NAPA: variants seen among roughly 807,000 people sequenced by gnomAD.
The protein encoded by NAPA is NSF attachment protein alpha, also known as alpha-soluble NSF attachment protein.
Under a neutral mutation model 48.0 loss-of-function variants are expected in NAPA, and 18 were observed. The observed-to-expected ratio is 0.38, with a 90% CI of 0.26 to 0.56. The LOEUF is 0.56. Among genes scored for constraint, NAPA ranks in the 20% least tolerant of loss-of-function variants. The pLI is 0.77. For missense variants in NAPA, 315 were observed against 385.0 expected (o/e 0.82, Z 1.52); for synonymous variants, 152 against 149.9 (o/e 1.01, Z -0.10).
chr19:47,490,024 T>TG (rs945517382), intron 9 of NAPA, among the ~76,000 whole-genome samples: 26 of 150,664 alleles, frequency 1.7e-4, no homozygotes, highest in African/African-American at 4.9e-4. Context: ...TGTGTGGGTA[T>TG]GGGGGGTGTG....
chr19:47,486,263 G>A (rs1968074778), downstream of NAPA, among the ~76,000 whole-genome samples: 1 of 152,094 alleles, frequency 6.6e-6, no homozygotes, highest in Non-Finnish European at 1.5e-5. Context: ...ACTGAGGCAG[G>A]AGAATCGCTT....
At position 47,493,910 on chromosome 19, in the gene NAPA, G is replaced by A. The variant is rs760457590; in HGVS notation, c.343-417C>T. Reference sequence around the variant, plus strand: ...CAAAGGGCTCTGGAGAAACCAGGATGGGAGGGAGGGCTTGAGACCTCTGCC... The same window carrying A: ...CAAAGGGCTCTGGAGAAACCAGGATAGGAGGGAGGGCTTGAGACCTCTGCC... On this transcript the variant is annotated intron_variant, in intron 4 of 10. Coordinates refer to ENST00000263354, the MANE Select transcript of NAPA (RefSeq NM_003827.4). This position sits in a 1 kb window ranked among gnomAD's most constrained non-coding sequence, Gnocchi z 6.4. Among the ~76,000 whole-genome samples, 2 of 152,312 alleles carry A rather than the reference G, an allele frequency of 1.3e-5. No individual in the cohort carries two copies. Among genetic ancestry groups the A allele is most frequent in the South Asian group, 4.1e-4 (2 of 4,828 alleles).
rs1319957444 is a variant in NAPA at position 47,493,694 on chromosome 19, C to T, written c.343-201G>A. The T allele has an allele frequency of 1.2e-5, 7 of 588,710 alleles. No homozygotes were observed. The highest frequency in any genetic ancestry group is 1.8e-5 in the Non-Finnish European group (6 of 326,340). The allele number at this position is 588,710 out of a possible 1,614,324, so 36.5% of individuals were successfully genotyped here. On this transcript the variant is annotated intron_variant, in intron 4 of 10. Transcript: ENST00000263354. This position sits in a 1 kb window ranked among gnomAD's most constrained non-coding sequence, Gnocchi z 6.4. ...CCCCAGCACTAGAGGCCTGGCTATGCGTGCTGGGCTGAGCGGGTGATGTTG... is the reference window on the plus strand; with the variant it reads ...CCCCAGCACTAGAGGCCTGGCTATGTGTGCTGGGCTGAGCGGGTGATGTTG...
chr19:47,495,687 C>T lies in NAPA; in HGVS notation c.296-91G>A, dbSNP rs1197397343. 15 of 1,259,428 alleles carry T rather than the reference C, an allele frequency of 1.2e-5. No individual in the cohort carries two copies. In the South Asian group the frequency reaches 1.3e-4, roughly 11 times the overall value. 78.0% of individuals were successfully genotyped at this position (1,259,428 alleles called of 1,614,324 possible). ...AGGAGGCGGACGCAGGCGCACCTGG[C>T]TGCCAGCAGAGAGATCAATAGGCGC... On this transcript the variant is annotated intron_variant, in intron 3 of 10. Transcript: ENST00000263354.
chr19:47,506,657 C>T lies in NAPA; in HGVS notation c.99-3155G>A, dbSNP rs553123614. 1.3e-5 allele frequency among the ~76,000 whole-genome samples: 2 copies of T among 152,340 alleles called. No individual in the cohort carries two copies. Among genetic ancestry groups the T allele is most frequent in the East Asian group, 1.9e-4 (1 of 5,190 alleles). On this transcript the variant is annotated intron_variant, in intron 1 of 10. Coordinates refer to ENST00000263354, the MANE Select transcript of NAPA (RefSeq NM_003827.4). This position sits in a 1 kb window ranked among gnomAD's most constrained non-coding sequence, Gnocchi z 4.0. ...CAGCCCAGCCGGGTTTATTTCAGGA[C>T]GGACACAAAGCCTACCAGCTGCCCG...
At chr19:47,500,465 G>A (rs749155742) in intron 3 of NAPA, among the ~76,000 whole-genome samples, 168 bp downstream of exon 3, 1 of 152,220 alleles carries the variant, frequency 6.6e-6, no homozygotes, top group African/African-American at 2.4e-5. Flanking sequence ...GGAAGGAAGA[G>A]AGCCAGTTCT....
chr19:47,504,441 T>C (rs1183308525), intron 1 of NAPA, among the ~76,000 whole-genome samples: 1 of 136,522 alleles, frequency 7.3e-6, no homozygotes, highest in Non-Finnish European at 1.6e-5. Flanking sequence ...GTGAAAATAA[T>C]AGAAACATAC....
intron 3 of NAPA, among the ~76,000 whole-genome samples, chr19:47,498,656 C>T (rs950417328): frequency 6.6e-6 from 1 of 152,124 alleles, no homozygotes; most frequent in Non-Finnish European, 1.5e-5. Flanking sequence ...TGGGCTTGAG[C>T]GATCCTCCTG....
intron 9 of NAPA, among the ~76,000 whole-genome samples, chr19:47,490,417 GT>G (rs1968221298): frequency 2.8e-5 from 4 of 141,756 alleles, no homozygotes; most frequent in Non-Finnish European, 6.1e-5. Flanking sequence ...GTAGCGTGTG[GT>G]GTGATGTGTG....
intron 1 of NAPA, among the ~76,000 whole-genome samples, chr19:47,508,159 C>A (rs1968730161): frequency 6.6e-6 from 1 of 152,212 alleles, no homozygotes; most frequent in Non-Finnish European, 1.5e-5. Flanking sequence ...CAGCCCCCTA[C>A]CGAGCCTGCC....
intron 1 of NAPA, among the ~76,000 whole-genome samples, chr19:47,511,179 C>T (rs940410799): frequency 9.9e-5 from 15 of 152,192 alleles, no homozygotes; most frequent in African/African-American, 3.6e-4. Flanking sequence ...CGCAACGCTC[C>T]CTTCTCCAGT....
chr19:47,490,454 GGTGTGT>G (rs147323174), intron 9 of NAPA, among the ~76,000 whole-genome samples: 2 of 90,620 alleles, frequency 2.2e-5, no homozygotes, highest in Admixed American at 1.4e-4. Flanking sequence ...TGTGTGGTGT[GGTGTGT>G]GTAGTGTATG....
At chr19:47,503,349 C>CG in intron 2 of NAPA, 74 bp downstream of exon 2, 1 of 1,388,820 alleles carries the variant, frequency 7.2e-7, no homozygotes, top group South Asian at 1.2e-5. Context: ...GCCAACCTCT[C>CG]GGGCAGGCCT....
chr19:47,501,316 G>A lies in NAPA; in HGVS notation c.179-567C>T, dbSNP rs549558019. 2.0e-5 allele frequency: 3 copies of A among 152,354 alleles called. No individual in the cohort carries two copies. In the East Asian group the frequency reaches 5.8e-4, roughly 29 times the overall value. 9.4% of individuals were successfully genotyped at this position (152,354 alleles called of 1,614,324 possible). ...CGGAGGGGTATTTTGGGAAGCAAGG[G>A]GCAACTGAGATTAAACCACATAACA... is the stretch of plus-strand genomic sequence containing the variant. On this transcript the variant is annotated intron_variant, in intron 2 of 10. Coordinates refer to ENST00000263354, the MANE Select transcript of NAPA (RefSeq NM_003827.4).
chr19:47,514,426 G>A (rs747174564), intron 1 of NAPA, among the ~76,000 whole-genome samples: 4 of 151,980 alleles, frequency 2.6e-5, no homozygotes, highest in Non-Finnish European at 4.4e-5. Flanking sequence ...GACTCCCCTA[G>A]AGCTCCGAAA....
chr19:47,501,541 T>C (rs1211934840), intron 2 of NAPA: 2 of 152,266 alleles, frequency 1.3e-5, no homozygotes, highest in East Asian at 3.8e-4. Context: ...CTCCAGGAGC[T>C]GCATGTCCAG....
At chr19:47,492,806 A>C (rs1036958261) in intron 7 of NAPA, 155 bp downstream of exon 7, 2 of 740,104 alleles carry the variant, frequency 2.7e-6, no homozygotes, top group Non-Finnish European at 4.8e-6. Context: ...CAGGCTGAAG[A>C]CAGGGTGGGG....
intron 4 of NAPA, chr19:47,495,107 A>G (rs113290987): frequency 0.039 from 7,039 of 179,124 alleles, 216 homozygotes; most frequent in South Asian, 0.096. Flanking sequence ...GACTCAAGCG[A>G]TTTTCCTGCC....
chr19:47,498,602 G>A (rs1241693142), intron 3 of NAPA, among the ~76,000 whole-genome samples: 1 of 151,836 alleles, frequency 6.6e-6, no homozygotes, highest in Non-Finnish European at 1.5e-5. Context: ...GCTTTTTTTT[G>A]GGGACAGGAT....
Sources: gnomAD v4.1 joint callset for allele counts (sites outside exome capture counted in the v4.1 genomes callset) on GRCh38, gnomAD v4.1.1 for gene constraint, Gnocchi (gnomAD v3.1) non-coding constraint, MANE v1.5 for transcripts, NCBI Gene and HGNC (gene_info 2026-07-23, HGNC 2026-07-21) for gene names.